The following SYN3 variants were observed in gnomAD, a reference collection of about 807,000 sequenced individuals.
SYN3 encodes the protein synapsin III, also known as synapsin-3.
Under a neutral mutation model 65.8 loss-of-function variants are expected in SYN3, and 35 were observed. That is an observed-to-expected ratio of 0.53 (90% confidence interval 0.41 to 0.70). The LOEUF (loss-of-function observed/expected upper bound fraction) is 0.70. Ranked by LOEUF, SYN3 falls within the 30% of genes least tolerant of loss-of-function variation. SYN3 has a pLI of 0.00. For synonymous variants in SYN3, 270 were observed against 292.9 expected, an observed-to-expected ratio of 0.92 and a Z score of 0.80; for missense variants, 680 against 749.0, an observed-to-expected ratio of 0.91 and a Z score of 1.08.
chr22:32,640,588 C>T (rs1385375199), intron 6 of SYN3, among the ~76,000 whole-genome samples: 10 of 152,066 alleles, frequency 6.6e-5, no homozygotes. Flanking sequence ...CATATTTGGC[C>T]GGGTGCGGTG....
At chr22:32,626,541 G>C (rs1384813647) in intron 6 of SYN3, among the ~76,000 whole-genome samples, 1 of 152,202 alleles carries the variant, frequency 6.6e-6, no homozygotes, top group Non-Finnish European at 1.5e-5. Flanking sequence ...AGGTTTTTCA[G>C]AGGGGAGGAA....
In SYN3 at chr22:33,010,304, T is replaced by C. The variant is rs186245734; in HGVS notation, c.-162-3480A>G. ...CCTACAGTGTCTTGTAGAAGCTTTA[T>C]AGTTCTAGCTTTTCTGTTGAGGTCG... On this transcript the variant is annotated intron_variant, in intron 1 of 13. Transcript: ENST00000358763. Among the ~76,000 whole-genome samples the C allele has an allele frequency of 1.2e-4, 18 of 152,280 alleles. No homozygotes were observed. In the East Asian group the frequency reaches 3.3e-3, roughly 28 times the overall value.
At chr22:32,609,690 C>T (rs2059415729) in intron 6 of SYN3, among the ~76,000 whole-genome samples, 1 of 152,032 alleles carries the variant, frequency 6.6e-6, no homozygotes, top group Admixed American at 6.6e-5. Flanking sequence ...CAGGGTCTCG[C>T]TTTGTTGCCC....
At chr22:32,944,022 C>T (rs548924199) in intron 3 of SYN3, among the ~76,000 whole-genome samples, 85 of 152,310 alleles carry the variant, frequency 5.6e-4, no homozygotes, top group African/African-American at 2.0e-3. Context: ...ACCCCACTGT[C>T]AACATCAGAC....
At position 32,676,528 on chromosome 22, in the gene SYN3, CTTTTT is replaced by C. The variant is rs879196572; in HGVS notation, c.712-79797_712-79793del. ...CCATTTTCTTTCTTTTCTTTTCTTTCTTTTTTTTTTTTTTTTTTTTTTTTTTTTTG... is the reference window on the plus strand; with the variant it reads ...CCATTTTCTTTCTTTTCTTTTCTTTCTTTTTTTTTTTTTTTTTTTTTTTTG... On this transcript the variant is annotated intron_variant, in intron 6 of 13. Transcript: ENST00000358763. Among the ~76,000 whole-genome samples, 483 of 88,894 alleles carry C rather than the reference CTTTTT, an allele frequency of 5.4e-3. 28 individuals carry two copies. Among genetic ancestry groups the C allele is most frequent in the South Asian group, 8.2e-3 (21 of 2,548 alleles). The allele number at this position is 88,894 out of a possible 152,430, so 58.3% of individuals were successfully genotyped here. A position where few individuals can be genotyped will look rare whatever the true frequency, so the allele number is the denominator to read the frequency against.
intron 6 of SYN3, among the ~76,000 whole-genome samples, chr22:32,758,705 T>TATATATATATAGATATA (rs1277216646): frequency 9.1e-6 from 1 of 109,694 alleles, no homozygotes; most frequent in Non-Finnish European, 2.0e-5. Context: ...TATATATGTC[T>TATATATATATAGATATA]TATTAGTTCT....
At chr22:32,668,727 A>C (rs967566693) in intron 6 of SYN3, among the ~76,000 whole-genome samples, 3 of 152,202 alleles carry the variant, frequency 2.0e-5, no homozygotes, top group African/African-American at 7.2e-5. Context: ...CAGTGAGTCT[A>C]TCTGGGGATG....
chr22:32,815,890 T>C (rs542324197), intron 6 of SYN3, among the ~76,000 whole-genome samples: 1 of 152,314 alleles, frequency 6.6e-6, no homozygotes, highest in South Asian at 2.1e-4. Context: ...AGCAGGTGTG[T>C]CTGTTCTGTG....
chr22:32,591,901 C>T (rs2059132483), intron 7 of SYN3, among the ~76,000 whole-genome samples: 2 of 152,322 alleles, frequency 1.3e-5, no homozygotes, highest in East Asian at 3.9e-4. Flanking sequence ...TCCAGCACGT[C>T]CATGCTGTAT....
intron 6 of SYN3, among the ~76,000 whole-genome samples, chr22:32,647,863 T>C (rs1260688591): frequency 6.6e-6 from 1 of 152,102 alleles, no homozygotes; most frequent in Non-Finnish European, 1.5e-5. Flanking sequence ...CACCTCGGCC[T>C]CCCAAAGTGC....
chr22:32,636,032 A>G (rs1472150196), intron 6 of SYN3, among the ~76,000 whole-genome samples: 1 of 152,156 alleles, frequency 6.6e-6, no homozygotes, highest in Non-Finnish European at 1.5e-5. Flanking sequence ...ACATTTTTGA[A>G]TGTTGTCCCC....
At chr22:32,816,172 T>G (rs1021072391) in intron 6 of SYN3, among the ~76,000 whole-genome samples, 1 of 151,982 alleles carries the variant, frequency 6.6e-6, no homozygotes, top group Admixed American at 6.6e-5. Flanking sequence ...GAGGTCAGTG[T>G]ACCAGGTTGG....
intron 7 of SYN3, among the ~76,000 whole-genome samples, chr22:32,578,447 G>C (rs1601679474): frequency 6.6e-6 from 1 of 151,956 alleles, no homozygotes. Context: ...GATGGGTTTT[G>C]CCATGTAGCC....
At chr22:32,692,155 C>CAAAAAAAAAAAAAAAAAAA (rs1188224009) in intron 6 of SYN3, among the ~76,000 whole-genome samples, 8 of 34,494 alleles carry the variant, frequency 2.3e-4, no homozygotes, top group African/African-American at 5.7e-4. Context: ...GACAAAAAGA[C>CAAAAAAAAAAAAAAAAAAA]AAAAAAAAAA....
At chr22:32,711,407 A>AGTT (rs2060963815) in intron 6 of SYN3, among the ~76,000 whole-genome samples, 3 of 152,240 alleles carry the variant, frequency 2.0e-5, no homozygotes, top group Non-Finnish European at 4.4e-5. Flanking sequence ...GTCATTAACT[A>AGTT]AAGGGTGACC....
rs1601586500 is a variant in SYN3 at position 32,868,820 on chromosome 22, G to A, written c.621+146C>T. 8.5e-6 allele frequency: 4 copies of A among 470,054 alleles called. No homozygotes were observed. The East Asian group carries it at 1.4e-4, about 17-fold the overall frequency. 29.1% of individuals were successfully genotyped at this position (470,054 alleles called of 1,614,324 possible). A position where few individuals can be genotyped will look rare whatever the true frequency, so the allele number is the denominator to read the frequency against. Reference sequence around the variant, plus strand: ...AATTGTTAGGCAACAATTCCAACAAGAGCCCTAGGATCCAAGTTCAGTTCA... The same window carrying A: ...AATTGTTAGGCAACAATTCCAACAAAAGCCCTAGGATCCAAGTTCAGTTCA... On this transcript the variant is annotated intron_variant, in intron 5 of 13. Transcript: ENST00000358763.
intron 6 of SYN3, among the ~76,000 whole-genome samples, chr22:32,780,085 A>AG (rs1307862029): frequency 5.4e-4 from 1 of 1,860 alleles, no homozygotes; most frequent in African/African-American, 2.0e-3. Flanking sequence ...AAAAAGAGAG[A>AG]GAAAAAAAGA....
intron 4 of SYN3, among the ~76,000 whole-genome samples, chr22:32,908,289 T>C (rs1319703664): frequency 6.6e-6 from 1 of 152,136 alleles, no homozygotes; most frequent in African/African-American, 2.4e-5. Flanking sequence ...TTTTGCCATG[T>C]TGGCCAAGCT....
In SYN3 at chr22:32,788,338, G is replaced by A. The variant is rs143168256; in HGVS notation, c.711+76577C>T. On this transcript the variant is annotated intron_variant, in intron 6 of 13. Coordinates refer to ENST00000358763, the MANE Select transcript of SYN3 (RefSeq NM_003490.4). The stretch of plus-strand genomic sequence containing the variant: ...GGACGAATCACGAGGTCAGGAGTTC[G>A]AGACCAGACTGGCCAACATGATGAA... Among the ~76,000 whole-genome samples the A allele has an allele frequency of 1.8e-3, 278 of 152,138 alleles. 1 individual carries two copies. Among genetic ancestry groups the A allele is most frequent in the South Asian group, 6.4e-3 (31 of 4,814 alleles).
Sources: gnomAD v4.1 joint callset for allele counts (sites outside exome capture counted in the v4.1 genomes callset) on GRCh38, gnomAD v4.1.1 for gene constraint, MANE v1.5 for transcripts, NCBI Gene and HGNC (gene_info 2026-07-23, HGNC 2026-07-21) for gene names.